Variants in GALNT10 observed in about 807,000 individuals in gnomAD.
The protein encoded by GALNT10 is polypeptide N-acetylgalactosaminyltransferase 10.
In GALNT10, 41 loss-of-function variants were observed where a neutral mutation model predicts 75.0. That is an observed-to-expected ratio of 0.55 (90% CI 0.43 to 0.71). The LOEUF is 0.71. Ranked by LOEUF, GALNT10 falls within the 30% of genes least tolerant of loss-of-function variation. The pLI is 0.00. For synonymous variants in GALNT10, 302 were observed against 313.0 expected (o/e 0.96, Z 0.37); for missense variants, 727 against 818.5 (o/e 0.89, Z 1.36).
chr5:154,294,610 C>T (rs555556875), intron 1 of GALNT10, among the ~76,000 whole-genome samples: 6 of 152,234 alleles, frequency 3.9e-5, no homozygotes, highest in Admixed American at 6.5e-5. Context: ...GAAAGGTAGA[C>T]GCTGCATTCT....
chr5:154,219,838 T>TCA (rs553301418), intron 1 of GALNT10, among the ~76,000 whole-genome samples: 13,731 of 125,518 alleles, frequency 0.11, 848 homozygotes, highest in Non-Finnish European at 0.16. Flanking sequence ...TCTCTCTCTC[T>TCA]CACACACACA....
At chr5:154,232,734 G>A (rs1753169612) in intron 1 of GALNT10, among the ~76,000 whole-genome samples, 1 of 152,164 alleles carries the variant, frequency 6.6e-6, no homozygotes, top group Non-Finnish European at 1.5e-5. Context: ...AAAGAGTGCA[G>A]TGTGGCAGGA....
intron 1 of GALNT10, among the ~76,000 whole-genome samples, chr5:154,232,024 C>T (rs149693375): frequency 6.6e-6 from 1 of 152,120 alleles, no homozygotes; most frequent in Non-Finnish European, 1.5e-5. Context: ...CTCTGCCCTC[C>T]GGGGGGAGAG....
At chr5:154,259,194 C>A (rs1332214619) in intron 1 of GALNT10, among the ~76,000 whole-genome samples, 1 of 152,088 alleles carries the variant, frequency 6.6e-6, no homozygotes, top group East Asian at 1.9e-4. Context: ...CAACCTGTGA[C>A]ATCTCCTCAG....
At chr5:154,265,036 C>T (rs74746650) in intron 1 of GALNT10, among the ~76,000 whole-genome samples, 16,323 of 152,176 alleles carry the variant, frequency 0.11, 1,161 homozygotes, top group Non-Finnish European at 0.15. Context: ...CTTTCTTTAC[C>T]AGTCTCTAAG....
chr5:154,241,404 A>G (rs1363118569), intron 1 of GALNT10, among the ~76,000 whole-genome samples: 2 of 152,248 alleles, frequency 1.3e-5, no homozygotes, highest in Non-Finnish European at 2.9e-5. Flanking sequence ...AGTGCAAACA[A>G]AAGAAATTTC....
chr5:154,307,253 A>G (rs1213346742), intron 3 of GALNT10, among the ~76,000 whole-genome samples: 1 of 152,244 alleles, frequency 6.6e-6, no homozygotes, highest in East Asian at 1.9e-4. Context: ...GTAGTTAAGT[A>G]CCTTCCCATA....
intron 9 of GALNT10, among the ~76,000 whole-genome samples, chr5:154,411,436 A>T (rs1756395165): frequency 6.6e-6 from 1 of 152,242 alleles, no homozygotes. Flanking sequence ...TCCTGCACCC[A>T]TCACTGGGGC....
chr5:154,288,951 G>A (rs1049304926), intron 1 of GALNT10, among the ~76,000 whole-genome samples: 4 of 152,124 alleles, frequency 2.6e-5, no homozygotes, highest in Non-Finnish European at 5.9e-5. Flanking sequence ...ACTGTGTTTC[G>A]ATGTGGGCAT....
rs554836334 is a variant in GALNT10 at position 154,340,675 on chromosome 5, T to C, written c.568+10937T>C. Among the ~76,000 whole-genome samples, 21 of 152,302 alleles carry C rather than the reference T, an allele frequency of 1.4e-4. No individual in the cohort carries two copies. In the South Asian group the frequency reaches 3.9e-3, roughly 29 times the overall value. On this transcript the variant is annotated intron_variant, in intron 4 of 11. Transcript: ENST00000297107. Reference sequence around the variant, plus strand: ...CACGGGCAGCCTCCAAGTAAACCCATTGCAAACAGAGATACTTCAGAGCTT... The same window carrying C: ...CACGGGCAGCCTCCAAGTAAACCCACTGCAAACAGAGATACTTCAGAGCTT...
Position 154,409,799 on chromosome 5 carries a change from T to C in GALNT10, c.1386+37T>C, listed in dbSNP as rs749398884. The C allele has an allele frequency of 1.2e-5, 17 of 1,372,884 alleles. No homozygotes were observed. Among genetic ancestry groups the C allele is most frequent in the Non-Finnish European group, 1.8e-5 (17 of 960,996 alleles). The allele number at this position is 1,372,884 out of a possible 1,614,324, so 85.0% of individuals were successfully genotyped here. On this transcript the variant is annotated intron_variant, in intron 9 of 11. Coordinates refer to ENST00000297107, the MANE Select transcript of GALNT10 (RefSeq NM_198321.4). The surrounding 1 kb of genome is among the most constrained non-coding windows in gnomAD (Gnocchi z 4.5). ...GGGCAGGGCTGGCTCCATAATTTAA[T>C]GGGTGTGCAAAATGCAAATGCAGAT... is the stretch of plus-strand genomic sequence containing the variant.
rs1169085305 is a variant in GALNT10, at chr5:154,420,537, G to GT, written c.*3566dup. The GT allele has an allele frequency of 6.6e-6, 1 of 152,202 alleles. No homozygotes were observed. Among genetic ancestry groups the GT allele is most frequent in the Non-Finnish European group, 1.5e-5 (1 of 68,030 alleles). The allele number at this position is 152,202 out of a possible 1,614,324, so 9.4% of individuals were successfully genotyped here. A position where few individuals can be genotyped will look rare whatever the true frequency, so the allele number is the denominator to read the frequency against. ...CATTTTTAATGTTTTCTGAAGCTTT[G>GT]TAAGTGTGAGAGAGGGACAAGAAGT... On this transcript the variant is annotated 3_prime_UTR_variant, in exon 12 of 12. Coordinates refer to ENST00000297107, the MANE Select transcript of GALNT10 (RefSeq NM_198321.4).
At chr5:154,312,933 T>G (rs1487580505) in intron 3 of GALNT10, among the ~76,000 whole-genome samples, 1 of 152,226 alleles carries the variant, frequency 6.6e-6, no homozygotes, top group African/African-American at 2.4e-5. Context: ...TGGAATATAT[T>G]GCATGTTACA....
At position 154,402,568 on chromosome 5, in the gene GALNT10, T is replaced by G. The variant is rs1756190863; in HGVS notation, c.1057-1536T>G. On this transcript the variant is annotated intron_variant, in intron 7 of 11. Transcript: ENST00000297107. This position sits in a 1 kb window ranked among gnomAD's most constrained non-coding sequence, Gnocchi z 4.2. ...ATCTTAACACAATACACAGTTATGATGGCAGCGCTTCCCTAGGCCAGGGAT... is the reference window on the plus strand; with the variant it reads ...ATCTTAACACAATACACAGTTATGAGGGCAGCGCTTCCCTAGGCCAGGGAT... 6.6e-6 allele frequency among the ~76,000 whole-genome samples: 1 copy of G among 152,242 alleles called. No homozygotes were observed. The highest frequency in any genetic ancestry group is 1.5e-5 in the Non-Finnish European group (1 of 68,044).
Position 154,415,878 on chromosome 5 carries a change from C to G in GALNT10, c.1599C>G (p.Val533=). ...CFDAISHTSP[V]TLYDCHSMKG... ...ATGCCATTTCCCACACCAGCCCTGT[C>G]ACGCTGTACGACTGCCACAGCATGA... Residue 533 remains valine (V), a synonymous_variant, in exon 11 of 12, where the codon GTC becomes GTG. Coordinates refer to ENST00000297107, the MANE Select transcript of GALNT10 (RefSeq NM_198321.4). 6.2e-7 allele frequency: 1 copy of G among 1,614,172 alleles called. No individual in the cohort carries two copies. Among genetic ancestry groups the G allele is most frequent in the Non-Finnish European group, 8.5e-7 (1 of 1,180,020 alleles).
In GALNT10 at chr5:154,404,094, T is replaced by G; in HGVS notation, c.1057-10T>G. 6.2e-7 allele frequency: 1 copy of G among 1,602,292 alleles called. No homozygotes were observed. The highest frequency in any genetic ancestry group is 8.6e-7 in the Non-Finnish European group (1 of 1,169,110). Reference sequence around the variant, plus strand: ...AAACGTCATCCTCTCTCTTCCTTCTTGCCATGCAGGTGTGGATGTGTGGGG... The same window carrying G: ...AAACGTCATCCTCTCTCTTCCTTCTGGCCATGCAGGTGTGGATGTGTGGGG... On this transcript the variant is annotated splice_polypyrimidine_tract_variant and intron_variant, in intron 7 of 11. Coordinates refer to ENST00000297107, the MANE Select transcript of GALNT10 (RefSeq NM_198321.4).
In GALNT10 at chr5:154,416,168, A is replaced by G. The variant is rs140160697; in HGVS notation, c.1653+236A>G. Among the ~76,000 whole-genome samples the G allele has an allele frequency of 6.6e-6, 1 of 152,298 alleles. No homozygotes were observed. The highest frequency in any genetic ancestry group is 2.4e-5 in the African/African-American group (1 of 41,574). ...TAAAAAGAAAAGTGCAGCCGGGCAC[A>G]GTGGCTCATGCCTGTAATCCCAGCA... On this transcript the variant is annotated intron_variant, in intron 11 of 11. Transcript: ENST00000297107. The surrounding 1 kb of genome is among the most constrained non-coding windows in gnomAD (Gnocchi z 4.5).
chr5:154,226,040 G>A (rs1753059246), intron 1 of GALNT10, among the ~76,000 whole-genome samples: 1 of 151,758 alleles, frequency 6.6e-6, no homozygotes, highest in Non-Finnish European at 1.5e-5. Context: ...GTTAAATGAC[G>A]AGTTAATGGG....
chr5:154,297,408 C>T (rs986345033), intron 2 of GALNT10, among the ~76,000 whole-genome samples: 2 of 152,194 alleles, frequency 1.3e-5, no homozygotes, highest in Non-Finnish European at 2.9e-5. Flanking sequence ...AATCATCTTT[C>T]CTCGTGTTTA....
Sources: allele counts gnomAD v4.1 joint callset (sites outside exome capture counted in the v4.1 genomes callset), GRCh38; gene constraint gnomAD v4.1.1; non-coding constraint Gnocchi (gnomAD v3.1); transcripts MANE v1.5; gene names NCBI Gene and HGNC (gene_info 2026-07-23, HGNC 2026-07-21).